ZNF846: variants seen among roughly 807,000 people sequenced by gnomAD.
The protein encoded by ZNF846 is zinc finger protein 420 pseudogene.
ZNF846 carries 15 observed loss-of-function variants against 16.0 expected under a neutral mutation model. The observed-to-expected ratio is 0.94, with a 90% CI of 0.63 to 1.45. The LOEUF is 1.45. Among genes scored for constraint, ZNF846 ranks in the 40% most tolerant of loss-of-function variants. ZNF846 has a pLI of 0.00. For missense variants in ZNF846, 714 were observed against 622.3 expected (o/e 1.15, Z -1.57); for synonymous variants, 229 against 212.0 (o/e 1.08, Z -0.70).
chr19:9,776,007 T>C (rs536052411), intron 1 of ZNF846, among the ~76,000 whole-genome samples: 1 of 152,112 alleles, frequency 6.6e-6, no homozygotes, highest in Non-Finnish European at 1.5e-5. Flanking sequence ...GGGGACATAG[T>C]GAGGAGTGAC....
At chr19:9,762,353 G>A in intron 3 of ZNF846, 185 bp from the exon 4 acceptor site, 1 of 538,606 alleles carries the variant, frequency 1.9e-6, no homozygotes, top group Admixed American at 3.2e-5. Context: ...TAACAAAAAT[G>A]TTGCCCAGGT....
chr19:9,779,078 T>C (rs2045475277), intron 1 of ZNF846, among the ~76,000 whole-genome samples: 1 of 152,272 alleles, frequency 6.6e-6, no homozygotes, highest in East Asian at 1.9e-4. Flanking sequence ...TATTTTTCAT[T>C]TGTAAAATGA....
At chr19:9,777,724 C>T (rs1248436490) in intron 1 of ZNF846, among the ~76,000 whole-genome samples, 11 of 151,802 alleles carry the variant, frequency 7.2e-5, no homozygotes, top group Non-Finnish European at 1.6e-4. Context: ...GGGCCAGGTG[C>T]GATGGTTCAT....
chr19:9,756,382 T>TATATATATAC (rs1411472302), downstream of ZNF846: 20 of 119,516 alleles, frequency 1.7e-4, no homozygotes, highest in African/African-American at 5.8e-4. Flanking sequence ...TATATATATA[T>TATATATATAC]ATAAAGACAT....
At chr19:9,749,646 C>A (rs888830910), downstream of ZNF846, among the ~76,000 whole-genome samples, 1 of 149,766 alleles carries the variant, frequency 6.7e-6, no homozygotes, top group Admixed American at 6.7e-5. Flanking sequence ...AGCATAGTAT[C>A]AACCTCACCC....
At chr19:9,759,763 T>C in intron 5 of ZNF846, 97 bp downstream of exon 5, 1 of 855,164 alleles carries the variant, frequency 1.2e-6, no homozygotes, top group Non-Finnish European at 1.8e-6. Flanking sequence ...CTTCAGACTT[T>C]GTTTTCTCTG....
downstream of ZNF846, chr19:9,757,386 A>C: frequency 9.2e-7 from 1 of 1,082,730 alleles, no homozygotes; most frequent in East Asian, 2.4e-5. Flanking sequence ...AAGATATGGA[A>C]ATTCAGTGAA....
upstream of ZNF846, among the ~76,000 whole-genome samples, chr19:9,772,082 A>G (rs571754364): frequency 7.9e-5 from 12 of 152,194 alleles, no homozygotes; most frequent in African/African-American, 2.6e-4. Flanking sequence ...AGACATTTTT[A>G]AGACTATGTC....
chr19:9,763,179 G>A (rs1452388982), intron 3 of ZNF846, 103 bp downstream of exon 3: 20 of 1,097,992 alleles, frequency 1.8e-5, no homozygotes, highest in Admixed American at 2.7e-5. Flanking sequence ...ACTGGCCAAG[G>A]TCCATGCCTG....
At chr19:9,756,098 C>T (rs943336271), downstream of ZNF846, 4 of 148,964 alleles carry the variant, frequency 2.7e-5, no homozygotes, top group Non-Finnish European at 4.4e-5. Flanking sequence ...CCTCGGCCTC[C>T]TAAAGTGCTG....
At chr19:9,753,009 G>A (rs2045099244), downstream of ZNF846, among the ~76,000 whole-genome samples, 1 of 150,108 alleles carries the variant, frequency 6.7e-6, no homozygotes, top group South Asian at 2.1e-4. Flanking sequence ...AGTGTCAGAT[G>A]AGGGCCCTTT....
At chr19:9,752,446 A>T in intron 5 of ZNF846, 1 of 370,648 alleles carries the variant, frequency 2.7e-6, no homozygotes, top group African/African-American at 2.2e-5. Flanking sequence ...CGTCTCTACA[A>T]AAAAAAAAAA....
At chr19:9,756,343 G>GTATATA (rs1190301971), downstream of ZNF846, 411 of 71,048 alleles carry the variant, frequency 5.8e-3, no homozygotes, top group Middle Eastern at 0.021. Flanking sequence ...GTGTGTGTGT[G>GTATATA]TGTATATATA....
intron 1 of ZNF846, among the ~76,000 whole-genome samples, chr19:9,765,810 T>A (rs922483398): frequency 4.0e-5 from 6 of 151,012 alleles, no homozygotes; most frequent in African/African-American, 1.2e-4. Flanking sequence ...GGCTCATGCC[T>A]GTAATCCTAA....
At chr19:9,772,779 A>G (rs904024692), upstream of ZNF846, among the ~76,000 whole-genome samples, 5 of 152,172 alleles carry the variant, frequency 3.3e-5, no homozygotes, top group African/African-American at 1.2e-4. Context: ...TTATTAGAAA[A>G]TCCATTAAAT....
rs780329179 is a variant in ZNF846 at position 9,757,574 on chromosome 19, A to ATATGAGTTCGT, written c.1502_1503insACGAACTCATA (p.Gly502ArgfsTer28). On this transcript the variant is annotated frameshift_variant, in exon 6 of 6. Transcript: ENST00000397902. LOFTEE classifies it low-confidence loss of function (END_TRUNC). ...TCTTACATTCATATGGTTTTGCTCCAGTGTGAGTTCGTGTGTGAACGTTAA... is the reference window on the plus strand; with the variant it reads ...TCTTACATTCATATGGTTTTGCTCCATATGAGTTCGTGTGTGAGTTCGTGTGTGAACGTTAA... 1.2e-5 allele frequency: 19 copies of ATATGAGTTCGT among 1,613,622 alleles called. 1 individual carries two copies. In the South Asian group the frequency reaches 2.0e-4, roughly 17 times the overall value.
chr19:9,762,847 T>C (rs2045251269), intron 3 of ZNF846, among the ~76,000 whole-genome samples: 1 of 152,138 alleles, frequency 6.6e-6, no homozygotes, highest in Non-Finnish European at 1.5e-5. Context: ...AAGCTTGTTC[T>C]ATAAAGTAAT....
At position 9,779,368 on chromosome 19, in the gene ZNF846, A is replaced by C. The variant is rs535910130; in HGVS notation, c.-86+6570T>G. Among the ~76,000 whole-genome samples, 9 of 152,166 alleles carry C rather than the reference A, an allele frequency of 5.9e-5. No individual in the cohort carries two copies. The South Asian group carries it at 1.9e-3, about 32-fold the overall frequency. On this transcript the variant is annotated intron_variant, in intron 1 of 4. Coordinates refer to the ZNF846 transcript ENST00000586814. ...ACCGCAACCTCCGCCTCCCGGGTTC[A>C]AGCGATTCTCCTGCCTCAGCCTCCC...
chr19:9,778,298 A>T (rs1290897238), intron 1 of ZNF846, among the ~76,000 whole-genome samples: 2 of 152,218 alleles, frequency 1.3e-5, no homozygotes, highest in African/African-American at 4.8e-5. Context: ...AAAATGAAAA[A>T]TTCACTACAG....
Sources: allele counts gnomAD v4.1 joint callset (sites outside exome capture counted in the v4.1 genomes callset), GRCh38; gene constraint gnomAD v4.1.1; transcripts MANE v1.5; gene names NCBI Gene and HGNC (gene_info 2026-07-23, HGNC 2026-07-21).